The following TACC2 variants were observed in gnomAD, a reference collection of about 807,000 sequenced individuals.
TACC2 encodes transforming acidic coiled-coil-containing protein 2.
A neutral mutation model predicts 227.3 loss-of-function variants in TACC2; 137 were observed. The ratio of observed to expected loss-of-function variants is 0.60; its 90% confidence interval spans 0.52 to 0.69. The LOEUF (loss-of-function observed/expected upper bound fraction) is 0.69. Ranked by LOEUF, TACC2 falls within the 30% of genes least tolerant of loss-of-function variation. The pLI, the probability that TACC2 is intolerant of heterozygous loss-of-function variation, is 0.00. For synonymous variants in TACC2, 1,523 were observed against 1,487.5 expected (o/e 1.02, Z -0.55); for missense variants, 3,470 against 3,694.4 (o/e 0.94, Z 1.57).
intron 12 of TACC2, 92 bp downstream of exon 12, chr10:122,224,879 C>A: frequency 9.5e-7 from 1 of 1,049,670 alleles, no homozygotes; most frequent in Non-Finnish European, 1.5e-6. Context: ...GGAGCTCAGA[C>A]CCCAAATCGA....
At chr10:122,229,295 C>T (rs764463260) in intron 14 of TACC2, 51 bp from the exon 15 acceptor site, 68 of 1,607,490 alleles carry the variant, frequency 4.2e-5, no homozygotes, top group Non-Finnish European at 5.7e-5. Context: ...CAATATCACT[C>T]TCTGTTCTCC....
chr10:122,066,018 T>C (rs939864081), intron 3 of TACC2, among the ~76,000 whole-genome samples: 3 of 152,150 alleles, frequency 2.0e-5, no homozygotes, highest in Non-Finnish European at 4.4e-5. Flanking sequence ...AGCCTATTTG[T>C]GCTTTAAAAA....
At chr10:122,015,738 G>C (rs1956521722) in intron 1 of TACC2, among the ~76,000 whole-genome samples, 1 of 150,820 alleles carries the variant, frequency 6.6e-6, no homozygotes, top group African/African-American at 2.4e-5. Context: ...TGTAATCCCA[G>C]CTACTCAGGA....
At chr10:122,027,550 G>T (rs1170304120) in intron 2 of TACC2, among the ~76,000 whole-genome samples, 1 of 151,988 alleles carries the variant, frequency 6.6e-6, no homozygotes, top group African/African-American at 2.4e-5. Context: ...GCATATTTGT[G>T]TGGCTCTGTT....
chr10:122,070,415 C>G (rs137955689), intron 3 of TACC2, among the ~76,000 whole-genome samples: 258 of 152,074 alleles, frequency 1.7e-3, no homozygotes, highest in African/African-American at 5.9e-3. Flanking sequence ...TTGAGACCAG[C>G]CTGGGAAACA....
intron 1 of TACC2, among the ~76,000 whole-genome samples, chr10:122,011,614 G>T (rs12571866): frequency 0.46 from 69,475 of 151,924 alleles, 16,053 homozygotes; most frequent in South Asian, 0.62. Context: ...AGGTATGAGC[G>T]GCCGTGCCTG....
intron 8 of TACC2, among the ~76,000 whole-genome samples, chr10:122,195,467 C>CT (rs1234121683): frequency 6.6e-6 from 1 of 152,192 alleles, no homozygotes; most frequent in Non-Finnish European, 1.5e-5. Flanking sequence ...GATTCCAGCA[C>CT]TTGGCCCCTT....
rs918198037 is a variant in TACC2, at chr10:122,102,534, T to C, written c.5573+13943T>C. ...TTTGCCCTGATGTCACTTGGACATC[T>C]GACTGTCTCCTAGAGAAAGTTGTTT... On this transcript the variant is annotated intron_variant, in intron 5 of 22. Coordinates refer to ENST00000369005, the MANE Select transcript of TACC2 (RefSeq NM_206862.4). Among the ~76,000 whole-genome samples, 3 of 152,368 alleles carry C rather than the reference T, an allele frequency of 2.0e-5. No homozygotes were observed. The East Asian group carries it at 5.8e-4, about 29-fold the overall frequency.
chr10:122,069,643 T>A (rs1172148523), intron 3 of TACC2, among the ~76,000 whole-genome samples: 1 of 152,138 alleles, frequency 6.6e-6, no homozygotes, highest in Admixed American at 6.6e-5. Flanking sequence ...AGTTAATAAT[T>A]CCTCATATGA....
At chr10:122,218,338 A>G (rs1230595555) in intron 11 of TACC2, among the ~76,000 whole-genome samples, 2 of 152,162 alleles carry the variant, frequency 1.3e-5, no homozygotes, top group Non-Finnish European at 2.9e-5. Context: ...ATAAGAGACT[A>G]AGATCTCCTT....
At chr10:122,119,685 G>A (rs1248969391) in intron 5 of TACC2, among the ~76,000 whole-genome samples, 4 of 152,188 alleles carry the variant, frequency 2.6e-5, no homozygotes, top group South Asian at 2.1e-4. Context: ...AGGCCAAGAC[G>A]GGTGGATCAC....
At position 122,185,006 on chromosome 10, in the gene TACC2, C is replaced by T. The variant is rs112848015; in HGVS notation, c.5835-10034C>T. On this transcript the variant is annotated intron_variant, in intron 7 of 22. Coordinates refer to ENST00000369005, the MANE Select transcript of TACC2 (RefSeq NM_206862.4). ...CATCTTCTTTATGGTTTTTCCGTCTCCTCTGTCACTTATTCTTTTTTTTTT... is the reference window on the plus strand; with the variant it reads ...CATCTTCTTTATGGTTTTTCCGTCTTCTCTGTCACTTATTCTTTTTTTTTT... Among the ~76,000 whole-genome samples, 5 of 150,116 alleles carry T rather than the reference C, an allele frequency of 3.3e-5. 1 individual carries two copies. The highest frequency in any genetic ancestry group is 1.2e-4 in the African/African-American group (5 of 40,894).
At chr10:122,169,985 A>G (rs2093386033) in intron 7 of TACC2, among the ~76,000 whole-genome samples, 1 of 152,142 alleles carries the variant, frequency 6.6e-6, no homozygotes, top group Non-Finnish European at 1.5e-5. Flanking sequence ...TCCTGGGCTC[A>G]AGTGATTCTC....
Position 122,210,819 on chromosome 10 carries a change from C to T in TACC2, c.6394C>T (p.Pro2132Ser). The T allele has an allele frequency of 1.2e-6, 2 of 1,612,072 alleles. No individual in the cohort carries two copies. Among genetic ancestry groups the T allele is most frequent in the Non-Finnish European group, 1.7e-6 (2 of 1,179,618 alleles). ...CCTTAAGCGAACTAAAAAACCGAGG[C>T]CGCCTTCCTTAAAAAAGAAACAGAC... ...STLKRTKKPR[P>S]PSLKKKQTTK... The change falls in exon 9 of 23, where the codon CCG becomes TCG. Residue 2132 changes from proline (P) to serine (S), a missense_variant. Pro to Ser is a moderately conservative substitution (Grantham distance 74). This residue lies in a region of TACC2 where 593 missense variants were observed against 636.6 expected (regional missense o/e 0.93). Transcript: ENST00000369005. The surrounding 1 kb of genome is among the most constrained non-coding windows in gnomAD (Gnocchi z 4.6).
rs758161048 is a variant in TACC2 at position 122,210,762 on chromosome 10, T to C, written c.6337T>C (p.Tyr2113His). 2.5e-6 allele frequency: 4 copies of C among 1,613,586 alleles called. No individual in the cohort carries two copies. The highest frequency in any genetic ancestry group is 2.5e-6 in the Non-Finnish European group (3 of 1,179,956). ...PEAVALAPDA[Y>H]STGSSSASST... ...GGCCGTGGCCCTTGCCCCAGATGCATATAGCACGGGTTCCAGCAGTGCTTC... is the reference window on the plus strand; with the variant it reads ...GGCCGTGGCCCTTGCCCCAGATGCACATAGCACGGGTTCCAGCAGTGCTTC... Residue 2113 changes from tyrosine to histidine, a missense_variant, in exon 9 of 23, where the codon TAT becomes CAT. Physicochemically the swap from Tyr to His is moderately conservative, Grantham distance 83. This residue lies in a region of TACC2 where 593 missense variants were observed against 636.6 expected (regional missense o/e 0.93). Transcript: ENST00000369005. This position sits in a 1 kb window ranked among gnomAD's most constrained non-coding sequence, Gnocchi z 4.6.
chr10:122,005,683 C>CTTTTTTTTTTTTTTTTT (rs67744191), intron 1 of TACC2, among the ~76,000 whole-genome samples: 1 of 108,392 alleles, frequency 9.2e-6, no homozygotes, highest in African/African-American at 3.4e-5. Flanking sequence ...CGTGCCTGGC[C>CTTTTTTTTTTTTTTTTT]TTTTTTTTTT....
chr10:122,111,586 G>A (rs2083617350), intron 5 of TACC2, among the ~76,000 whole-genome samples: 1 of 152,166 alleles, frequency 6.6e-6, no homozygotes. Flanking sequence ...CGACTCCCTG[G>A]TTTAAGCTAT....
At chr10:122,115,766 T>C (rs2084593565) in intron 5 of TACC2, among the ~76,000 whole-genome samples, 1 of 147,624 alleles carries the variant, frequency 6.8e-6, no homozygotes, top group Non-Finnish European at 1.5e-5. Context: ...TGTGGGTGTA[T>C]TTTTTTTTTT....
At chr10:122,253,047 C>CTA (rs2096279937) in intron 22 of TACC2, among the ~76,000 whole-genome samples, 2 of 152,050 alleles carry the variant, frequency 1.3e-5, no homozygotes, top group Admixed American at 1.3e-4. Context: ...ACCAGGAGTT[C>CTA]TAACCTAGAA....
Sources: gnomAD v4.1 joint callset for allele counts (sites outside exome capture counted in the v4.1 genomes callset) on GRCh38, gnomAD v4.1.1 for gene constraint, gnomAD v4.1.1 regional missense constraint, Gnocchi (gnomAD v3.1) non-coding constraint, MANE v1.5 for transcripts, NCBI Gene and HGNC (gene_info 2026-07-23, HGNC 2026-07-21) for gene names.